PTPRD: variants seen among roughly 807,000 people sequenced by gnomAD.
PTPRD encodes the protein receptor-type tyrosine-protein phosphatase delta.
Under a neutral mutation model 214.5 loss-of-function variants are expected in PTPRD, and 34 were observed. The observed-to-expected ratio is 0.16, with a 90% confidence interval of 0.12 to 0.21. The LOEUF (loss-of-function observed/expected upper bound fraction) is 0.21. Ranked by LOEUF, PTPRD falls within the 10% of genes least tolerant of loss-of-function variation. PTPRD has a pLI of 1.00. For synonymous variants in PTPRD, 1,128 were observed against 845.7 expected, an observed-to-expected ratio of 1.33 and a Z score of -5.79; for missense variants, 2,545 against 2,398.7, an observed-to-expected ratio of 1.06 and a Z score of -1.27.
chr9:10,202,243 C>A (rs1255387830), intron 3 of PTPRD, among the ~76,000 whole-genome samples: 1 of 151,958 alleles, frequency 6.6e-6, no homozygotes, highest in Admixed American at 6.6e-5. Flanking sequence ...GGGCTTATTA[C>A]AAAAATAACA....
intron 3 of PTPRD, among the ~76,000 whole-genome samples, chr9:10,168,075 A>T (rs1457819256): frequency 1.3e-5 from 2 of 152,220 alleles, no homozygotes; most frequent in African/African-American, 4.8e-5. Context: ...GCTATATTTT[A>T]AGACTGTGTA....
intron 12 of PTPRD, among the ~76,000 whole-genome samples, chr9:8,694,287 T>G (rs1485043037): frequency 6.6e-6 from 1 of 152,122 alleles, no homozygotes. Context: ...AGAGAAATTT[T>G]AAAAGTTGTA....
intron 9 of PTPRD, among the ~76,000 whole-genome samples, chr9:9,282,879 A>T (rs1377406459): frequency 6.6e-6 from 1 of 151,494 alleles, no homozygotes; most frequent in African/African-American, 2.4e-5. Flanking sequence ...GGAGCACATT[A>T]TAAGTTGTCA....
chr9:8,527,219 A>C (rs1438794085), intron 16 of PTPRD, 126 bp downstream of exon 16: 3 of 970,274 alleles, frequency 3.1e-6, no homozygotes, highest in Non-Finnish European at 4.7e-6. Context: ...GGGAGCCACT[A>C]CAGAGATCTG....
At chr9:8,726,045 A>T (rs2098553670) in intron 12 of PTPRD, among the ~76,000 whole-genome samples, 1 of 147,200 alleles carries the variant, frequency 6.8e-6, no homozygotes, top group African/African-American at 2.7e-5. Context: ...ACACACACAC[A>T]CACACACACA....
At chr9:8,825,763 G>A (rs929496210) in intron 11 of PTPRD, among the ~76,000 whole-genome samples, 2 of 151,946 alleles carry the variant, frequency 1.3e-5, no homozygotes, top group African/African-American at 2.4e-5. Context: ...TGCTAAACAA[G>A]GGGTGGATTA....
intron 5 of PTPRD, among the ~76,000 whole-genome samples, chr9:9,867,535 C>G (rs1003216525): frequency 6.6e-6 from 1 of 152,052 alleles, no homozygotes; most frequent in African/African-American, 2.4e-5. Flanking sequence ...CTCAGAGGAA[C>G]TGAGATTCAA....
At chr9:9,381,375 T>A (rs937604075) in intron 9 of PTPRD, among the ~76,000 whole-genome samples, 10 of 151,520 alleles carry the variant, frequency 6.6e-5, no homozygotes, top group East Asian at 1.9e-4. Flanking sequence ...TTTTTTATTT[T>A]TTTTTTGACA....
intron 8 of PTPRD, among the ~76,000 whole-genome samples, chr9:9,418,269 G>C (rs1426594253): frequency 1.3e-5 from 2 of 151,974 alleles, no homozygotes; most frequent in Admixed American, 6.6e-5. Flanking sequence ...GGCCAACTGG[G>C]TTTTCTGCTT....
chr9:8,327,361 T>A (rs1259362351), intron 44 of PTPRD, among the ~76,000 whole-genome samples: 1 of 151,692 alleles, frequency 6.6e-6, no homozygotes, highest in Non-Finnish European at 1.5e-5. Context: ...TTTTTTTAAA[T>A]CTTGAGTTCT....
At chr9:8,489,911 A>G (rs1167469771) in intron 27 of PTPRD, among the ~76,000 whole-genome samples, 1 of 152,240 alleles carries the variant, frequency 6.6e-6, no homozygotes, top group African/African-American at 2.4e-5. Flanking sequence ...TAGTTGAGTG[A>G]GGAAATAAAG....
At chr9:10,337,916 G>A (rs1374280465) in intron 3 of PTPRD, among the ~76,000 whole-genome samples, 4 of 151,428 alleles carry the variant, frequency 2.6e-5, no homozygotes, top group African/African-American at 9.7e-5. Context: ...TATCTTTTAT[G>A]TTAAAATACG....
intron 10 of PTPRD, among the ~76,000 whole-genome samples, chr9:9,023,738 T>C (rs543947843): frequency 6.6e-6 from 1 of 152,174 alleles, no homozygotes; most frequent in South Asian, 2.1e-4. Context: ...TTAGCTCCAC[T>C]TATAAGTGAG....
At chr9:8,474,202 C>T (rs945252841) in intron 30 of PTPRD, among the ~76,000 whole-genome samples, 1 of 152,212 alleles carries the variant, frequency 6.6e-6, no homozygotes, top group South Asian at 2.1e-4. Flanking sequence ...TAACAAACCC[C>T]TTCTTTTTTG....
In PTPRD at chr9:8,504,432, T is replaced by A. The variant is rs145553575; in HGVS notation, c.1678-27A>T. The stretch of plus-strand genomic sequence containing the variant: ...TGGAAGCAATAAGAGAATGTGGTCA[T>A]CTTCATTAAGGTTCATGCAAATACT... On this transcript the variant is annotated intron_variant, in intron 22 of 45. Coordinates refer to ENST00000381196, the MANE Select transcript of PTPRD (RefSeq NM_002839.4). 136 of 1,613,660 alleles carry A rather than the reference T, an allele frequency of 8.4e-5. No homozygotes were observed. The African/African-American group carries it at 1.6e-3, about 19-fold the overall frequency.
chr9:8,733,734 C>T (rs749201290), intron 12 of PTPRD, 46 bp downstream of exon 12: 2 of 1,545,824 alleles, frequency 1.3e-6, no homozygotes, highest in Non-Finnish European at 8.8e-7. Context: ...CAAACAAAAC[C>T]ACTCATTATG....
intron 8 of PTPRD, among the ~76,000 whole-genome samples, chr9:9,449,600 C>T (rs764691179): frequency 6.6e-6 from 1 of 151,952 alleles, no homozygotes; most frequent in Non-Finnish European, 1.5e-5. Flanking sequence ...TCTAGAACCT[C>T]GTCCTTGCAA....
At chr9:9,823,871 A>T (rs1000085661) in intron 5 of PTPRD, among the ~76,000 whole-genome samples, 1 of 152,066 alleles carries the variant, frequency 6.6e-6, no homozygotes, top group African/African-American at 2.4e-5. Flanking sequence ...GCAAATCTGA[A>T]ATGTTCCCAA....
At chr9:8,501,264 C>G (rs1265358573) in intron 23 of PTPRD, among the ~76,000 whole-genome samples, 1 of 152,062 alleles carries the variant, frequency 6.6e-6, no homozygotes, top group East Asian at 1.9e-4. Flanking sequence ...GAATTAATGA[C>G]CAAAAATAAT....
Sources: allele counts gnomAD v4.1 joint callset (sites outside exome capture counted in the v4.1 genomes callset), GRCh38; gene constraint gnomAD v4.1.1; transcripts MANE v1.5; gene names NCBI Gene and HGNC (gene_info 2026-07-23, HGNC 2026-07-21).